APP: variants seen among roughly 807,000 people sequenced by gnomAD.
The protein encoded by APP is amyloid-beta precursor protein.
APP carries 31 observed loss-of-function variants against 101.4 expected under a neutral mutation model. The ratio of observed to expected loss-of-function variants is 0.31; its 90% CI spans 0.23 to 0.41. APP has a LOEUF of 0.41. Among genes scored for constraint, APP ranks in the 10% least tolerant of loss-of-function variants. The probability of loss-of-function intolerance (pLI) is 1.00; values close to 1 mark genes in which losing one functional copy is unlikely to be tolerated. For missense variants in APP, 839 were observed against 1,003.7 expected (o/e 0.84, Z 2.22); for synonymous variants, 366 against 364.4 (o/e 1.00, Z -0.05).
Position 25,881,621 on chromosome 21 carries a change from T to C in APP, c.*49A>G, listed in dbSNP as rs765178974. 7 of 1,563,112 alleles carry C rather than the reference T, an allele frequency of 4.5e-6. No individual in the cohort carries two copies. In the South Asian group the frequency reaches 7.8e-5, roughly 17 times the overall value. ...TCTATAAATGGACACCGATGGGTAG[T>C]GAAGCAATGGTTTTGCTGTCCAACT... On this transcript the variant is annotated 3_prime_UTR_variant, in exon 18 of 18. Transcript: ENST00000346798.
intron 5 of APP, among the ~76,000 whole-genome samples, chr21:26,048,255 G>A (rs1317200383): frequency 2.6e-5 from 4 of 152,084 alleles, no homozygotes; most frequent in Non-Finnish European, 5.9e-5. Flanking sequence ...CCCGGGAGGT[G>A]GAGGTTGCAG....
At chr21:26,028,176 CAA>C (rs200301180) in intron 5 of APP, among the ~76,000 whole-genome samples, 86 of 93,466 alleles carry the variant, frequency 9.2e-4, no homozygotes, top group South Asian at 4.5e-3. Flanking sequence ...GACTCTGTCT[CAA>C]AAAAAAAAAA....
chr21:26,149,714 T>C (rs745328708), intron 1 of APP, among the ~76,000 whole-genome samples: 2 of 152,256 alleles, frequency 1.3e-5, no homozygotes, highest in Non-Finnish European at 2.9e-5. Context: ...ATGTCTTTCA[T>C]GAAATCATCT....
upstream of APP, chr21:26,170,832 C>T (rs2063732948): frequency 2.0e-6 from 1 of 507,750 alleles, no homozygotes; most frequent in Non-Finnish European, 3.3e-6. Context: ...GCCCACCCCG[C>T]TCGGCACCCG....
chr21:26,066,255 T>C (rs1256477821), intron 3 of APP, among the ~76,000 whole-genome samples: 1 of 152,192 alleles, frequency 6.6e-6, no homozygotes, highest in Non-Finnish European at 1.5e-5. Context: ...CTACTTAAGA[T>C]AACCCATTAC....
In APP at chr21:26,104,851, C is replaced by T. The variant is rs895348022; in HGVS notation, c.225+7128G>A. Among the ~76,000 whole-genome samples the T allele has an allele frequency of 3.3e-5, 5 of 152,140 alleles. No individual in the cohort carries two copies. In the South Asian group the frequency reaches 6.2e-4, roughly 19 times the overall value. ...TGAGCAAAAAGTCAAAACGACGTGA[C>T]GGTGATGAGTTCTGTTGGTTTTGTT... On this transcript the variant is annotated intron_variant, in intron 2 of 17. Coordinates refer to ENST00000346798, the MANE Select transcript of APP (RefSeq NM_000484.4).
intron 13 of APP, among the ~76,000 whole-genome samples, chr21:25,946,146 G>A (rs554933666): frequency 1.3e-5 from 2 of 152,208 alleles, no homozygotes; most frequent in South Asian, 4.1e-4. Context: ...GGTATAAATC[G>A]TTGTAACCTT....
chr21:25,910,683 A>G (rs2039027818), intron 14 of APP, among the ~76,000 whole-genome samples: 1 of 152,238 alleles, frequency 6.6e-6, no homozygotes, highest in Non-Finnish European at 1.5e-5. Flanking sequence ...ATTTGTTGAT[A>G]GAGAAGAATC....
intron 5 of APP, among the ~76,000 whole-genome samples, chr21:26,033,081 G>C (rs950916191): frequency 6.6e-6 from 1 of 152,176 alleles, no homozygotes; most frequent in Non-Finnish European, 1.5e-5. Context: ...GTAGCAAACA[G>C]GACACTGTAG....
chr21:26,065,852 G>A (rs1162942084), intron 3 of APP, among the ~76,000 whole-genome samples: 6 of 151,826 alleles, frequency 4.0e-5, no homozygotes, highest in African/African-American at 2.4e-5. Context: ...TCCAACATTC[G>A]TTAAAAGATG....
At chr21:25,933,212 C>T (rs1217044044) in intron 13 of APP, among the ~76,000 whole-genome samples, 2 of 152,174 alleles carry the variant, frequency 1.3e-5, no homozygotes, top group Admixed American at 1.3e-4. Context: ...GATCTTCTCA[C>T]CTCAGCCTCC....
intron 13 of APP, among the ~76,000 whole-genome samples, chr21:25,922,405 A>G (rs532784058): frequency 2.0e-5 from 1 of 50,336 alleles, no homozygotes; most frequent in African/African-American, 6.3e-5. Context: ...AGGAAATAAA[A>G]GGTATTCAAT....
chr21:25,883,507 T>C (rs1472789270), intron 17 of APP, among the ~76,000 whole-genome samples: 4 of 152,042 alleles, frequency 2.6e-5, no homozygotes, highest in African/African-American at 7.2e-5. Context: ...CTGGCCAACA[T>C]AGTGAAACCC....
At chr21:26,078,111 C>CAG (rs1223626333) in intron 3 of APP, among the ~76,000 whole-genome samples, 1 of 152,118 alleles carries the variant, frequency 6.6e-6, no homozygotes, top group Non-Finnish European at 1.5e-5. Flanking sequence ...TTCCTCAGTG[C>CAG]TAATTGAGAA....
At chr21:25,969,200 T>C (rs529584155) in intron 11 of APP, among the ~76,000 whole-genome samples, 1 of 149,664 alleles carries the variant, frequency 6.7e-6, no homozygotes, top group African/African-American at 2.5e-5. Flanking sequence ...AAAAAAACAT[T>C]AGCCAGGCAT....
At chr21:25,928,459 T>G (rs753079415) in intron 13 of APP, among the ~76,000 whole-genome samples, 5 of 152,112 alleles carry the variant, frequency 3.3e-5, no homozygotes, top group African/African-American at 1.2e-4. Context: ...CACACACACA[T>G]ATCTTCTTGT....
chr21:26,119,555 C>A lies in APP; in HGVS notation c.58-7409G>T, dbSNP rs547742728. On this transcript the variant is annotated intron_variant, in intron 1 of 17. Coordinates refer to ENST00000346798, the MANE Select transcript of APP (RefSeq NM_000484.4). ...TGTTCCAACTACTAATGTTTATCAACCCTTACTTTATTTAATGTGTATTTT... is the reference window on the plus strand; with the variant it reads ...TGTTCCAACTACTAATGTTTATCAAACCTTACTTTATTTAATGTGTATTTT... Among the ~76,000 whole-genome samples the A allele has an allele frequency of 2.6e-5, 4 of 152,256 alleles. No homozygotes were observed. The East Asian group carries it at 5.8e-4, about 22-fold the overall frequency.
intron 7 of APP, among the ~76,000 whole-genome samples, chr21:25,999,586 T>A (rs1161448798): frequency 1.3e-5 from 2 of 152,240 alleles, no homozygotes; most frequent in Non-Finnish European, 2.9e-5. Flanking sequence ...TCAAGCTGCA[T>A]CAGCCAGGCT....
At chr21:25,885,367 T>C (rs1357468701) in intron 17 of APP, among the ~76,000 whole-genome samples, 1 of 152,228 alleles carries the variant, frequency 6.6e-6, no homozygotes, top group Non-Finnish European at 1.5e-5. Flanking sequence ...ACAGGGCCTC[T>C]GCACAGACAC....
Sources: allele counts gnomAD v4.1 joint callset (sites outside exome capture counted in the v4.1 genomes callset), GRCh38; gene constraint gnomAD v4.1.1; transcripts MANE v1.5; gene names NCBI Gene and HGNC (gene_info 2026-07-23, HGNC 2026-07-21).